Variants in AVL9 observed in about 807,000 individuals in gnomAD.
The protein encoded by AVL9 is AVL9 cell migration associated, also known as late secretory pathway protein AVL9 homolog.
AVL9 carries 49 observed loss-of-function variants against 79.2 expected under a neutral mutation model. The ratio of observed to expected loss-of-function variants is 0.62; its 90% CI spans 0.49 to 0.79. The LOEUF (loss-of-function observed/expected upper bound fraction) is 0.79, where lower values mean the gene tolerates loss of function less well. AVL9 is among the 30% of genes least tolerant of loss of function. The pLI is 0.00. For synonymous variants in AVL9, 299 were observed against 280.6 expected, an observed-to-expected ratio of 1.07 and a Z score of -0.65; for missense variants, 682 against 776.8, an observed-to-expected ratio of 0.88 and a Z score of 1.45.
intron 10 of AVL9, among the ~76,000 whole-genome samples, chr7:32,566,565 A>C (rs1392708687): frequency 6.1e-3 from 1 of 164 alleles, no homozygotes; most frequent in Non-Finnish European, 0.014. Context: ...AAAGTTACCT[A>C]CAATCTAGTA....
In AVL9 at chr7:32,561,656, A is replaced by G. The variant is rs116379516; in HGVS notation, c.1215+2192A>G. Among the ~76,000 whole-genome samples the G allele has an allele frequency of 5.6e-3, 852 of 152,306 alleles. 9 individuals carry two copies. Among genetic ancestry groups the G allele is most frequent in the African/African-American group, 0.019 (795 of 41,566 alleles). On this transcript the variant is annotated intron_variant, in intron 10 of 15. Coordinates refer to ENST00000318709, the MANE Select transcript of AVL9 (RefSeq NM_015060.3). The stretch of plus-strand genomic sequence containing the variant: ...CTGGTTTAAAAAACAAAACAAAACA[A>G]AAACAAAAACACTTTTAGTAGCACT...
chr7:32,582,638 G>C (rs188768271), intron 15 of AVL9, among the ~76,000 whole-genome samples: 12 of 152,064 alleles, frequency 7.9e-5, no homozygotes, highest in African/African-American at 2.9e-4. Flanking sequence ...ATACTCTTCT[G>C]TCCAAGAATA....
At chr7:32,519,516 C>T (rs1788051197) in intron 1 of AVL9, among the ~76,000 whole-genome samples, 1 of 151,978 alleles carries the variant, frequency 6.6e-6, no homozygotes, top group Non-Finnish European at 1.5e-5. Flanking sequence ...CTTCGGCAGT[C>T]TTTGGTAAGA....
chr7:32,561,488 G>A (rs970603832), intron 10 of AVL9, among the ~76,000 whole-genome samples: 2 of 152,132 alleles, frequency 1.3e-5, no homozygotes, highest in Non-Finnish European at 2.9e-5. Context: ...TCATATAATC[G>A]AAGAGAGTTA....
intron 8 of AVL9, among the ~76,000 whole-genome samples, chr7:32,557,670 C>G (rs929985140): frequency 6.6e-6 from 1 of 152,036 alleles, no homozygotes; most frequent in East Asian, 1.9e-4. Context: ...GAAGTTCGAT[C>G]ATTTGGTTGA....
chr7:32,523,767 T>C (rs1788282335), intron 1 of AVL9, among the ~76,000 whole-genome samples: 1 of 145,970 alleles, frequency 6.9e-6, no homozygotes, highest in African/African-American at 2.5e-5. Context: ...GGAGTCTTGC[T>C]CTGTCACTCA....
At chr7:32,541,674 G>A (rs1789214298) in intron 1 of AVL9, among the ~76,000 whole-genome samples, 1 of 151,040 alleles carries the variant, frequency 6.6e-6, no homozygotes, top group Non-Finnish European at 1.5e-5. Flanking sequence ...AGAAGATACA[G>A]AGAAATGTAA....
intron 1 of AVL9, among the ~76,000 whole-genome samples, chr7:32,516,355 T>G (rs1039772221): frequency 2.1e-4 from 32 of 152,208 alleles, no homozygotes; most frequent in African/African-American, 7.2e-4. Flanking sequence ...TTCTACAGAG[T>G]CTTCTCCATT....
chr7:32,505,144 G>T (rs930674062), intron 1 of AVL9, among the ~76,000 whole-genome samples: 4 of 151,560 alleles, frequency 2.6e-5, no homozygotes, highest in Non-Finnish European at 5.9e-5. Context: ...AAAGTGCTGG[G>T]ATTACAGGTG....
chr7:32,534,703 G>A, intron 1 of AVL9: 1 of 152,156 alleles, frequency 6.6e-6, no homozygotes, highest in East Asian at 1.9e-4. Flanking sequence ...CAGCACTTAG[G>A]GAGGCCAAGG....
chr7:32,577,764 G>C (rs73307231), intron 13 of AVL9, among the ~76,000 whole-genome samples: 125 of 152,330 alleles, frequency 8.2e-4, no homozygotes, highest in African/African-American at 2.9e-3. Context: ...GTGCTTAGAA[G>C]AACATGTGAA....
intron 1 of AVL9, among the ~76,000 whole-genome samples, chr7:32,522,932 T>G (rs1316438588): frequency 1.3e-5 from 2 of 151,942 alleles, no homozygotes; most frequent in Non-Finnish European, 2.9e-5. Context: ...TTCCTCATTT[T>G]CTCTTGCCAC....
chr7:32,578,601 A>G (rs1039835244), intron 13 of AVL9, among the ~76,000 whole-genome samples: 3 of 152,132 alleles, frequency 2.0e-5, no homozygotes, highest in African/African-American at 4.8e-5. Flanking sequence ...TGAGCTCAGG[A>G]GTTCAAGACC....
At chr7:32,573,165 C>T in intron 11 of AVL9, 34 bp from the exon 12 acceptor site, 1 of 1,574,164 alleles carries the variant, frequency 6.4e-7, no homozygotes, top group East Asian at 2.2e-5. Context: ...TGCGTGAATG[C>T]CCAGACTCTG....
chr7:32,583,797 T>C lies in AVL9; in HGVS notation c.1837T>C (p.Ser613Pro), dbSNP rs187363596. Residue 613 changes from serine to proline, a missense_variant, in exon 16 of 16, where the codon TCA becomes CCA. Transcript: ENST00000318709. ...TTTTTCTCCTCTCCATCCAGGCCAGTCAGTTGGAGGAGCTTTTTCCAGTGC... is the reference window on the plus strand; with the variant it reads ...TTTTTCTCCTCTCCATCCAGGCCAGCCAGTTGGAGGAGCTTTTTCCAGTGC... Reference protein sequence around the residue: ...VVQTGKAVGQSVGGAFSSAKT... With the variant: ...VVQTGKAVGQPVGGAFSSAKT... 90 of 1,611,204 alleles carry C rather than the reference T, an allele frequency of 5.6e-5. No homozygotes were observed. Among genetic ancestry groups the C allele is most frequent in the Non-Finnish European group, 7.0e-5 (83 of 1,177,608 alleles).
intron 10 of AVL9, 70 bp from the exon 11 acceptor site, chr7:32,569,950 C>A: frequency 2.7e-6 from 4 of 1,500,060 alleles, no homozygotes; most frequent in South Asian, 1.2e-5. Context: ...CTACTGTTAG[C>A]TCACTAAGTT....
At chr7:32,506,951 T>G (rs1195999960) in intron 1 of AVL9, among the ~76,000 whole-genome samples, 1 of 152,140 alleles carries the variant, frequency 6.6e-6, no homozygotes, top group Admixed American at 6.5e-5. Context: ...TGAACATTGA[T>G]GCAAAAATCC....
intron 10 of AVL9, among the ~76,000 whole-genome samples, chr7:32,569,664 C>G (rs1465377004): frequency 2.0e-5 from 3 of 152,206 alleles, no homozygotes; most frequent in Non-Finnish European, 2.9e-5. Context: ...AAACAACGTA[C>G]TTACTAACAG....
chr7:32,522,232 C>T lies in AVL9; in HGVS notation c.94-20909C>T, dbSNP rs182478529. On this transcript the variant is annotated intron_variant, in intron 1 of 15. Transcript: ENST00000318709. ...TCTAGACCCCAGAATGGTAGATCCACTGACAGCTTGCACCATGTGCCTGGA... is the reference window on the plus strand; with the variant it reads ...TCTAGACCCCAGAATGGTAGATCCATTGACAGCTTGCACCATGTGCCTGGA... Among the ~76,000 whole-genome samples the T allele has an allele frequency of 3.9e-3, 587 of 152,308 alleles. 5 individuals are homozygous for T. Among genetic ancestry groups the T allele is most frequent in the African/African-American group, 0.013 (550 of 41,566 alleles).
Sources: gnomAD v4.1 joint callset for allele counts (sites outside exome capture counted in the v4.1 genomes callset) on GRCh38, gnomAD v4.1.1 for gene constraint, MANE v1.5 for transcripts, NCBI Gene and HGNC (gene_info 2026-07-23, HGNC 2026-07-21) for gene names.